CCAR2: variants seen among roughly 807,000 people sequenced by gnomAD.
The protein encoded by CCAR2 is cell cycle and apoptosis regulator 2.
Under a neutral mutation model 108.1 loss-of-function variants are expected in CCAR2, and 21 were observed. That is an observed-to-expected ratio of 0.19 (90% CI 0.14 to 0.28). The LOEUF (loss-of-function observed/expected upper bound fraction) is 0.28. Among genes scored for constraint, CCAR2 ranks in the 10% least tolerant of loss-of-function variants. The probability of loss-of-function intolerance (pLI) is 1.00; values close to 1 mark genes in which losing one functional copy is unlikely to be tolerated. For missense variants in CCAR2, 1,126 were observed against 1,177.0 expected, an observed-to-expected ratio of 0.96 and a Z score of 0.63; for synonymous variants, 577 against 472.8, an observed-to-expected ratio of 1.22 and a Z score of -2.86.
chr8:22,615,468 C>G lies in CCAR2; in HGVS notation c.1249C>G (p.Arg417Gly), dbSNP rs1477093225. 1.2e-6 allele frequency: 2 copies of G among 1,613,926 alleles called. No homozygotes were observed. The highest frequency in any genetic ancestry group is 1.7e-6 in the Non-Finnish European group (2 of 1,180,000). Residue 417 changes from arginine (R) to glycine (G), a missense_variant, in exon 12 of 21, where the codon CGG (arginine) becomes GGG (glycine). Around this residue, in one of 4 missense-constraint regions of CCAR2, gnomAD observed 1,013 missense variants for 993.9 expected, o/e 1.02. Transcript: ENST00000308511. ...TCAGTACCTGCAGCCGGGACCCCCC[C>G]GGCGGCTTCAGACAGTGGTGGTGTA... ...EFQYLQPGPPRRLQTVVVYLP... is the reference protein window; with the variant it reads ...EFQYLQPGPPGRLQTVVVYLP...
intron 8 of CCAR2, 68 bp from the exon 9 acceptor site, chr8:22,614,024 C>G: frequency 1.4e-6 from 2 of 1,455,994 alleles, no homozygotes; most frequent in Non-Finnish European, 1.9e-6. Flanking sequence ...TTTTTCAAAT[C>G]TTTGATGGTT....
In CCAR2 at chr8:22,614,140, G is replaced by A; in HGVS notation, c.753G>A (p.Leu251=). The change falls in exon 9 of 21, where the codon CTG becomes CTA. Residue 251 remains leucine (L), a synonymous_variant. Coordinates refer to ENST00000308511, the MANE Select transcript of CCAR2 (RefSeq NM_001393997.1). ...TCCAGCGCCGTTACCGCAGCCTCCT[G>A]GTCCCCTCAGATTTTCTGTCCGTGC... ...LELQRRYRSL[L]VPSDFLSVHL... 1 of 1,614,038 alleles carries A rather than the reference G, an allele frequency of 6.2e-7. No individual in the cohort carries two copies. The highest frequency in any genetic ancestry group is 8.5e-7 in the Non-Finnish European group (1 of 1,180,042).
chr8:22,615,351 G>T (rs956036468), intron 11 of CCAR2, 74 bp from the exon 12 acceptor site: 57 of 1,531,536 alleles, frequency 3.7e-5, no homozygotes, highest in Non-Finnish European at 5.0e-5. Flanking sequence ...GGAAACTGAA[G>T]CCCTTGCCTG....
intron 7 of CCAR2, among the ~76,000 whole-genome samples, 197 bp downstream of exon 7, chr8:22,608,262 G>A (rs1801154228): frequency 1.3e-5 from 2 of 152,146 alleles, no homozygotes; most frequent in African/African-American, 4.8e-5. Context: ...CAACTGAAAT[G>A]TGTATAAAAA....
At chr8:22,604,941 G>C (rs915302322) in intron 1 of CCAR2, 99 bp downstream of exon 1, 48 of 353,956 alleles carry the variant, frequency 1.4e-4, no homozygotes, top group African/African-American at 8.6e-4. Context: ...GATGCGTGGG[G>C]CGCGGAAGGG....
At chr8:22,613,918 A>T in intron 8 of CCAR2, 174 bp from the exon 9 acceptor site, 3 of 602,892 alleles carry the variant, frequency 5.0e-6, no homozygotes, top group Non-Finnish European at 8.8e-6. Flanking sequence ...GACTTTTGCC[A>T]TCTAGAGTTT....
intron 14 of CCAR2, 35 bp downstream of exon 14, chr8:22,616,283 T>C: frequency 6.3e-7 from 1 of 1,586,574 alleles, no homozygotes; most frequent in Non-Finnish European, 8.6e-7. Context: ...GTCATAGTGC[T>C]TACCGTGACC....
chr8:22,605,741 T>A lies in CCAR2; in HGVS notation c.-33T>A. Reference sequence around the variant, plus strand: ...TCTTTCTTTTTGGATTGAAGCCTTTTCCCCACGACTCTGAAAGAGGACAGC... The same window carrying A: ...TCTTTCTTTTTGGATTGAAGCCTTTACCCCACGACTCTGAAAGAGGACAGC... On this transcript the variant is annotated 5_prime_UTR_variant, in exon 2 of 21. Transcript: ENST00000308511. 1 of 1,597,578 alleles carries A rather than the reference T, an allele frequency of 6.3e-7. No individual in the cohort carries two copies.
chr8:22,612,113 T>C (rs749718889), intron 7 of CCAR2, among the ~76,000 whole-genome samples: 48 of 152,064 alleles, frequency 3.2e-4, no homozygotes, highest in Non-Finnish European at 5.4e-4. Flanking sequence ...ACCTGGCTAC[T>C]TTTTTGTATT....
In CCAR2 at chr8:22,614,457, T is replaced by G; in HGVS notation, c.995T>G (p.Met332Arg). 1 of 1,614,198 alleles carries G rather than the reference T, an allele frequency of 6.2e-7. No homozygotes were observed. Among genetic ancestry groups the G allele is most frequent in the Non-Finnish European group, 8.5e-7 (1 of 1,180,044 alleles). ...YRCCMLFVDD[M>R]AEPRETPEHP... ...TGTTGCATGCTCTTTGTGGATGACA[T>G]GGCTGAGCCAAGGGAGACGCCAGAG... The change falls in exon 10 of 21, where the codon ATG becomes AGG. Residue 332 changes from methionine to arginine, a missense_variant. By Grantham distance (91) the Met-to-Arg change is moderately conservative. Around this residue, in one of 4 missense-constraint regions of CCAR2, gnomAD observed 1,013 missense variants for 993.9 expected, o/e 1.02. Coordinates refer to ENST00000308511, the MANE Select transcript of CCAR2 (RefSeq NM_001393997.1).
intron 7 of CCAR2, among the ~76,000 whole-genome samples, chr8:22,611,420 ATG>A (rs1801276675): frequency 3.6e-5 from 3 of 83,138 alleles, no homozygotes; most frequent in African/African-American, 1.6e-4. Context: ...GTGTGTATAT[ATG>A]TGTGTATATA....
Position 22,614,971 on chromosome 8 carries a change from C to T in CCAR2, c.1175C>T (p.Thr392Ile). The stretch of plus-strand genomic sequence containing the variant: ...GCCATCCGCTGTGCGCAGGCCCAGA[C>T]TGGCATTGATTTGAGCGGCTGTACC... ...RTAIRCAQAQ[T>I]GIDLSGCTKW... Residue 392 changes from threonine (T) to isoleucine (I), a missense_variant, in exon 11 of 21, where the codon ACT (threonine) becomes ATT (isoleucine). Physicochemically the swap from Thr to Ile is moderately conservative, Grantham distance 89. Coordinates refer to ENST00000308511, the MANE Select transcript of CCAR2 (RefSeq NM_001393997.1). 6.2e-7 allele frequency: 1 copy of T among 1,600,324 alleles called. No homozygotes were observed. Among genetic ancestry groups the T allele is most frequent in the Admixed American group, 1.7e-5 (1 of 57,642 alleles).
downstream of CCAR2, chr8:22,621,274 C>A: frequency 2.7e-6 from 3 of 1,095,090 alleles, no homozygotes; most frequent in Non-Finnish European, 3.8e-6. Context: ...TGGTGCCAGG[C>A]TCAGGAAGAG....
At chr8:22,621,219 C>G (rs1021374296), downstream of CCAR2, 1 of 643,860 alleles carries the variant, frequency 1.6e-6, no homozygotes, top group African/African-American at 1.8e-5. Context: ...CACTGCTTAC[C>G]TGCTGGGGCT....
intron 7 of CCAR2, among the ~76,000 whole-genome samples, chr8:22,608,624 A>G (rs1489689913): frequency 6.6e-6 from 1 of 152,110 alleles, no homozygotes; most frequent in Non-Finnish European, 1.5e-5. Flanking sequence ...TATCCTGGTG[A>G]TGCTGTGTCA....
chr8:22,612,980 T>C (rs2117441272), intron 7 of CCAR2, 37 bp from the exon 8 acceptor site: 4 of 1,599,558 alleles, frequency 2.5e-6, no homozygotes, highest in East Asian at 2.2e-5. Context: ...CATATAACAA[T>C]GTGGTTTCTT....
downstream of CCAR2, chr8:22,620,804 T>C (rs1801764791): frequency 6.6e-6 from 1 of 152,242 alleles, no homozygotes; most frequent in Non-Finnish European, 1.5e-5. Flanking sequence ...GACCTGTGAA[T>C]TCTTGTGGGA....
In CCAR2 at chr8:22,617,571, T is replaced by G; in HGVS notation, c.1990+7T>G. 1 of 1,602,954 alleles carries G rather than the reference T, an allele frequency of 6.2e-7. No individual in the cohort carries two copies. The highest frequency in any genetic ancestry group is 8.5e-7 in the Non-Finnish European group (1 of 1,173,708). ...GATGGAGAGGAGGAGTTTGGTATGTTGAGTGGTGAGAGGGGAGCTTGCAGG... is the reference window on the plus strand; with the variant it reads ...GATGGAGAGGAGGAGTTTGGTATGTGGAGTGGTGAGAGGGGAGCTTGCAGG... On this transcript the variant is annotated splice_region_variant and intron_variant, in intron 15 of 20. Transcript: ENST00000308511.
At chr8:22,617,289 T>G in intron 14 of CCAR2, 131 bp from the exon 15 acceptor site, 1 of 1,021,706 alleles carries the variant, frequency 9.8e-7, no homozygotes, top group Non-Finnish European at 1.4e-6. Flanking sequence ...ATACATGAAA[T>G]GAGACGGTAT....
Sources: gnomAD v4.1 joint callset for allele counts (sites outside exome capture counted in the v4.1 genomes callset) on GRCh38, gnomAD v4.1.1 for gene constraint, gnomAD v4.1.1 regional missense constraint, MANE v1.5 for transcripts, NCBI Gene and HGNC (gene_info 2026-07-23, HGNC 2026-07-21) for gene names.